Variants in SHPK observed in about 807,000 individuals in gnomAD.
SHPK encodes the protein carbohydrate kinase-like protein.
Under a neutral mutation model 46.3 loss-of-function variants are expected in SHPK, and 51 were observed. The observed-to-expected ratio is 1.10, with a 90% confidence interval of 0.88 to 1.39. SHPK has a LOEUF of 1.39. Among genes scored for constraint, SHPK ranks in the 40% most tolerant of loss-of-function variants. The pLI, the probability that SHPK is intolerant of heterozygous loss-of-function variation, is 0.00. For missense variants in SHPK, 668 were observed against 641.3 expected, an observed-to-expected ratio of 1.04 and a Z score of -0.45; for synonymous variants, 290 against 273.9, an observed-to-expected ratio of 1.06 and a Z score of -0.58.
At chr17:3,612,806 C>T (rs1057480608) in intron 6 of SHPK, among the ~76,000 whole-genome samples, 7 of 149,616 alleles carry the variant, frequency 4.7e-5, no homozygotes, top group Non-Finnish European at 1.0e-4. Flanking sequence ...GGCTGGAGTG[C>T]AGTGGCGCGA....
chr17:3,636,034 C>G lies in SHPK; in HGVS notation c.168+18G>C. ...AGGAGGCTCCTGGAGGCGGCGCGGC[C>G]CCGGGGGTCCAACTCACCTGGGGCC... On this transcript the variant is annotated intron_variant, in intron 1 of 6. Coordinates refer to ENST00000225519, the MANE Select transcript of SHPK (RefSeq NM_013276.4). 6.5e-7 allele frequency: 1 copy of G among 1,529,418 alleles called. No individual in the cohort carries two copies. The highest frequency in any genetic ancestry group is 8.7e-7 in the Non-Finnish European group (1 of 1,143,204). The allele number at this position is 1,529,418 out of a possible 1,614,324, so 94.7% of individuals were successfully genotyped here. A position where few individuals can be genotyped will look rare whatever the true frequency, so the allele number is the denominator to read the frequency against.
chr17:3,621,194 G>A, intron 5 of SHPK, 43 bp downstream of exon 5: 1 of 1,511,772 alleles, frequency 6.6e-7, no homozygotes, highest in Non-Finnish European at 8.9e-7. Context: ...TTATGAGGCA[G>A]GCGACAGTGT....
intron 2 of SHPK, among the ~76,000 whole-genome samples, chr17:3,625,677 A>G (rs537384196): frequency 5.0e-4 from 76 of 152,310 alleles, no homozygotes; most frequent in African/African-American, 1.6e-3. Context: ...CCCTGACCCA[A>G]AAAATCATGA....
At position 3,611,509 on chromosome 17, in the gene SHPK, C is replaced by T. The variant is rs2075339465; in HGVS notation, c.1025-537G>A. ...ACTTGAACCTGGGAGGCAGAGGTTG[C>T]AGTGAGCGGAGCTTGCACCACTGCA... On this transcript the variant is annotated intron_variant, in intron 6 of 6. Transcript: ENST00000225519. 2.6e-5 allele frequency among the ~76,000 whole-genome samples: 4 copies of T among 152,152 alleles called. 1 individual carries two copies. In the South Asian group the frequency reaches 8.3e-4, roughly 32 times the overall value.
Position 3,610,770 on chromosome 17 carries a change from G to C in SHPK, c.1227C>G (p.Asn409Lys). The change falls in exon 7 of 7, where the codon AAC becomes AAG. Residue 409 changes from asparagine to lysine, a missense_variant. Transcript: ENST00000225519. ...TRALCRGIVQ[N>K]LHSMLPIQQL... ...GCTGAATCGGAAGCATGGAGTGCAG[G>C]TTCTGAACAATGCCTCGGCACAGAG... 4 of 1,614,134 alleles carry C rather than the reference G, an allele frequency of 2.5e-6. No individual in the cohort carries two copies. The highest frequency in any genetic ancestry group is 3.4e-6 in the Non-Finnish European group (4 of 1,180,010).
At chr17:3,613,052 G>A (rs1336945379) in intron 6 of SHPK, among the ~76,000 whole-genome samples, 2 of 151,858 alleles carry the variant, frequency 1.3e-5, no homozygotes, top group South Asian at 2.1e-4. Context: ...GCCCAGCCAG[G>A]GATCTTTTTA....
intron 2 of SHPK, among the ~76,000 whole-genome samples, chr17:3,628,011 T>A (rs1253880709): frequency 1.3e-5 from 2 of 151,790 alleles, no homozygotes; most frequent in African/African-American, 4.8e-5. Context: ...AGGAAGAGCC[T>A]GCATCAGCTC....
chr17:3,629,353 A>G (rs1446910259), intron 2 of SHPK, among the ~76,000 whole-genome samples: 1 of 152,186 alleles, frequency 6.6e-6, no homozygotes, highest in Non-Finnish European at 1.5e-5. Flanking sequence ...CCTCAAGGCC[A>G]AATAGAACAG....
At chr17:3,626,357 A>G (rs573972876) in intron 2 of SHPK, among the ~76,000 whole-genome samples, 1 of 151,856 alleles carries the variant, frequency 6.6e-6, no homozygotes, top group African/African-American at 2.4e-5. Flanking sequence ...CCTCCTCTCC[A>G]TTTTTATTTT....
intron 5 of SHPK, among the ~76,000 whole-genome samples, chr17:3,620,826 TG>T (rs1295149572): frequency 6.6e-6 from 1 of 152,228 alleles, no homozygotes; most frequent in African/African-American, 2.4e-5. Context: ...CCCAAAGTGC[TG>T]GGATTACAGG....
intron 1 of SHPK, among the ~76,000 whole-genome samples, chr17:3,635,232 A>AGGAAGGAAGGAAG (rs1567688917): frequency 7.6e-6 from 1 of 132,324 alleles, no homozygotes; most frequent in African/African-American, 2.6e-5. Flanking sequence ...GAAGGAAGGA[A>AGGAAGGAAGGAAG]GGAAGGAAGG....
At position 3,636,199 on chromosome 17, in the gene SHPK, G is replaced by A. The variant is rs982228452; in HGVS notation, c.21C>T (p.Thr7=). 6.2e-7 allele frequency: 1 copy of A among 1,605,970 alleles called. No homozygotes were observed. Among genetic ancestry groups the A allele is most frequent in the African/African-American group, 1.3e-5 (1 of 74,532 alleles). The stretch of plus-strand genomic sequence containing the variant: ...ATGTGGTGCCCAGGTCAATGCCGAG[G>A]GTGATCGGCCGCGCAGCCATTATCT... MAARPI[T]LGIDLGTTSV... is the part of the protein sequence containing the mutation. Residue 7 remains threonine (T), a synonymous_variant, in exon 1 of 7, where the codon ACC becomes ACT. Transcript: ENST00000225519.
intron 6 of SHPK, among the ~76,000 whole-genome samples, chr17:3,612,444 C>G (rs776018230): frequency 1.1e-4 from 16 of 150,562 alleles, no homozygotes; most frequent in Middle Eastern, 3.4e-3. Context: ...AAAAAAAAAG[C>G]CTTTGGTTTC....
chr17:3,623,606 C>G, intron 3 of SHPK, 115 bp from the exon 4 acceptor site: 1 of 1,019,876 alleles, frequency 9.8e-7, no homozygotes, highest in East Asian at 2.4e-5. Flanking sequence ...GCAGCCACAA[C>G]CGCATATACT....
chr17:3,615,806 G>T (rs2075368537), intron 5 of SHPK, among the ~76,000 whole-genome samples: 1 of 151,992 alleles, frequency 6.6e-6, no homozygotes. Flanking sequence ...ATATGTCCAG[G>T]ATAGTTAGAA....
At position 3,615,430 on chromosome 17, in the gene SHPK, T is replaced by C. The variant is rs2075366496; in HGVS notation, c.931A>G (p.Asn311Asp). 6.2e-7 allele frequency: 1 copy of C among 1,614,124 alleles called. No individual in the cohort carries two copies. The highest frequency in any genetic ancestry group is 8.5e-7 in the Non-Finnish European group (1 of 1,180,008). ...TAPVAYFPYF[N>D]RTYLGVAASL... is the part of the protein sequence containing the mutation. ...GCGGCCACCCCCAGGTAGGTCCTGT[T>C]GAAGTATGGGAAGTAGGCGACTGGG... is the stretch of plus-strand genomic sequence containing the variant. Residue 311 changes from asparagine to aspartate, a missense_variant, in exon 6 of 7, where the codon AAC becomes GAC. By Grantham distance (23) the Asn-to-Asp change is conservative. Transcript: ENST00000225519.
chr17:3,636,185 A>C lies in SHPK; in HGVS notation c.35T>G (p.Leu12Arg). Residue 12 changes from leucine to arginine, a missense_variant, in exon 1 of 7, where the codon CTG (leucine) becomes CGG (arginine). Transcript: ENST00000225519. ...AGCTGCCTTCACAGATGTGGTGCCC[A>C]GGTCAATGCCGAGGGTGATCGGCCG... ...AARPITLGID[L>R]GTTSVKAALL... is the part of the protein sequence containing the mutation. 1.9e-6 allele frequency: 3 copies of C among 1,610,118 alleles called. No homozygotes were observed. The highest frequency in any genetic ancestry group is 1.7e-6 in the Non-Finnish European group (2 of 1,177,588).
rs569233884 is a variant in SHPK at position 3,632,506 on chromosome 17, G to T, written c.169-2160C>A. 5.9e-5 allele frequency among the ~76,000 whole-genome samples: 9 copies of T among 152,250 alleles called. No individual in the cohort carries two copies. The East Asian group carries it at 1.4e-3, about 23-fold the overall frequency. ...GGGTGAGTGGGTGCGTGAGTTGTGT[G>T]GGGGGAGACACGGGAAGAAGTAAGC... On this transcript the variant is annotated intron_variant, in intron 1 of 6. Coordinates refer to ENST00000225519, the MANE Select transcript of SHPK (RefSeq NM_013276.4).
chr17:3,619,949 G>T, intron 5 of SHPK: 1 of 183,118 alleles, frequency 5.5e-6, no homozygotes, highest in Non-Finnish European at 1.2e-5. Context: ...GTTTTTAAAT[G>T]GTTGAAAAAA....
Sources: gnomAD v4.1 joint callset for allele counts (sites outside exome capture counted in the v4.1 genomes callset) on GRCh38, gnomAD v4.1.1 for gene constraint, MANE v1.5 for transcripts, NCBI Gene and HGNC (gene_info 2026-07-23, HGNC 2026-07-21) for gene names.